The following ISY1 variants were observed in gnomAD, a reference collection of about 807,000 sequenced individuals.
ISY1 encodes pre-mRNA-splicing factor ISY1 homolog.
A neutral mutation model predicts 54.4 loss-of-function variants in ISY1; 12 were observed. The observed-to-expected ratio is 0.22, with a 90% CI of 0.14 to 0.36. The LOEUF is 0.36. ISY1 is among the 10% of genes least tolerant of loss of function. The pLI, the probability that ISY1 is intolerant of heterozygous loss-of-function variation, is 1.00. For synonymous variants in ISY1, 96 were observed against 117.9 expected (o/e 0.81, Z 1.20); for missense variants, 282 against 342.2 (o/e 0.82, Z 1.39).
intron 5 of ISY1, among the ~76,000 whole-genome samples, chr3:129,146,387 A>C (rs1470112518): frequency 2.0e-5 from 3 of 152,224 alleles, no homozygotes; most frequent in African/African-American, 7.2e-5. Context: ...TGTACACAAC[A>C]AATTTCACTG....
At chr3:129,153,509 C>T (rs1049173961) in intron 5 of ISY1, among the ~76,000 whole-genome samples, 2 of 152,154 alleles carry the variant, frequency 1.3e-5, no homozygotes, top group East Asian at 1.9e-4. Context: ...CAGGGCTGGG[C>T]GCAGTGGCTC....
chr3:129,147,457 G>T (rs1936802508), intron 5 of ISY1, among the ~76,000 whole-genome samples: 1 of 152,050 alleles, frequency 6.6e-6, no homozygotes, highest in African/African-American at 2.4e-5. Flanking sequence ...AAAAAGACCT[G>T]CCACCACCAT....
intron 5 of ISY1, among the ~76,000 whole-genome samples, chr3:129,153,667 G>C (rs1165609953): frequency 2.0e-5 from 3 of 151,314 alleles, no homozygotes. Context: ...GCGCCTGTAG[G>C]CCCAGCTACT....
rs1216343492 is a variant in ISY1 at position 129,129,737 on chromosome 3, T to C, written c.*344A>G. 5.3e-6 allele frequency: 1 copy of C among 189,316 alleles called. No homozygotes were observed. The highest frequency in any genetic ancestry group is 1.3e-4 in the East Asian group (1 of 7,810). 11.7% of individuals were successfully genotyped at this position (189,316 alleles called of 1,614,324 possible). A position where few individuals can be genotyped will look rare whatever the true frequency, so the allele number is the denominator to read the frequency against. On this transcript the variant is annotated 3_prime_UTR_variant, in exon 11 of 11. Coordinates refer to ENST00000393295, the MANE Select transcript of ISY1 (RefSeq NM_020701.4). ...ATTTGCATTTTTTAAAATTATACTT[T>C]GGTCTGCAAAAAATTGCATTTTTAA...
chr3:129,151,553 C>T (rs576384880), intron 5 of ISY1, among the ~76,000 whole-genome samples: 1 of 150,718 alleles, frequency 6.6e-6, no homozygotes, highest in East Asian at 2.0e-4. Flanking sequence ...CGCTTGAACC[C>T]AGGGGACAGA....
At chr3:129,159,864 C>A (rs186295629) in intron 1 of ISY1, among the ~76,000 whole-genome samples, 5 of 152,162 alleles carry the variant, frequency 3.3e-5, no homozygotes, top group Non-Finnish European at 5.9e-5. Context: ...GACAAATACA[C>A]CAGGCATGCA....
chr3:129,149,632 TATATAC>T (rs1418359407), intron 5 of ISY1, among the ~76,000 whole-genome samples: 8 of 86,662 alleles, frequency 9.2e-5, no homozygotes, highest in South Asian at 3.7e-4. Context: ...TATATATATA[TATATAC>T]ACAAAAAAAA....
intron 5 of ISY1, among the ~76,000 whole-genome samples, chr3:129,147,470 T>C (rs1936803271): frequency 6.6e-6 from 1 of 152,092 alleles, no homozygotes; most frequent in African/African-American, 2.4e-5. Context: ...ACCACCATGG[T>C]GAGACTTTCC....
intron 5 of ISY1, among the ~76,000 whole-genome samples, chr3:129,154,469 A>G (rs1937074440): frequency 6.8e-6 from 1 of 146,702 alleles, no homozygotes; most frequent in Non-Finnish European, 1.5e-5. Flanking sequence ...AAAAAGGACC[A>G]CTTCTCTTAA....
intron 5 of ISY1, among the ~76,000 whole-genome samples, chr3:129,149,515 A>C (rs1576885868): frequency 7.3e-6 from 1 of 137,616 alleles, no homozygotes; most frequent in Admixed American, 7.6e-5. Flanking sequence ...TTGGGAGGCC[A>C]AGGTGTGTGG....
At chr3:129,141,859 A>T (rs1167007122) in intron 6 of ISY1, among the ~76,000 whole-genome samples, 2 of 152,120 alleles carry the variant, frequency 1.3e-5, no homozygotes, top group Non-Finnish European at 2.9e-5. Context: ...CCTATATGAC[A>T]ATTAGTGGAA....
chr3:129,138,355 A>T (rs1413580918), intron 7 of ISY1, among the ~76,000 whole-genome samples: 2 of 151,784 alleles, frequency 1.3e-5, no homozygotes, highest in African/African-American at 4.8e-5. Context: ...ACAAATTAGT[A>T]CTGGTCACGG....
At chr3:129,153,726 C>T (rs745603157) in intron 5 of ISY1, among the ~76,000 whole-genome samples, 57 of 151,928 alleles carry the variant, frequency 3.8e-4, no homozygotes, top group Non-Finnish European at 7.1e-4. Flanking sequence ...GCAGAGGCTG[C>T]GGTGAGCCAA....
chr3:129,160,806 G>C (rs1937284513), intron 1 of ISY1, among the ~76,000 whole-genome samples, 167 bp downstream of exon 1: 1 of 152,166 alleles, frequency 6.6e-6, no homozygotes. Context: ...TTTCCAATTT[G>C]TGACAGCTAA....
At chr3:129,133,880 C>T (rs62265337) in intron 9 of ISY1, among the ~76,000 whole-genome samples, 194 bp downstream of exon 9, 4 of 152,172 alleles carry the variant, frequency 2.6e-5, no homozygotes, top group South Asian at 2.1e-4. Context: ...AAAGCACGGC[C>T]GGCAGGGCAC....
chr3:129,145,981 G>A, intron 5 of ISY1, 108 bp from the exon 6 acceptor site: 3 of 1,001,792 alleles, frequency 3.0e-6, no homozygotes, highest in Non-Finnish European at 1.4e-6. Context: ...CACCTACAAA[G>A]GTATACTACA....
chr3:129,154,439 C>CAAAAAAA (rs58548903), intron 5 of ISY1, among the ~76,000 whole-genome samples: 2 of 33,412 alleles, frequency 6.0e-5, no homozygotes, highest in African/African-American at 8.9e-5. Context: ...GACTCCATCT[C>CAAAAAAA]AAAAAAAAAA....
rs764273737 is a variant in ISY1 at position 129,156,695 on chromosome 3, C to T, written c.145-20G>A. On this transcript the variant is annotated intron_variant, in intron 4 of 10. Transcript: ENST00000393295. The stretch of plus-strand genomic sequence containing the variant: ...AATGATCTATTAAAAAAAAGTAATA[C>T]ATTTTAATAATTTTTGAATATGTTA... The T allele has an allele frequency of 3.3e-5, 52 of 1,588,042 alleles. No homozygotes were observed. The highest frequency in any genetic ancestry group is 3.9e-5 in the Non-Finnish European group (45 of 1,168,114).
intron 7 of ISY1, among the ~76,000 whole-genome samples, chr3:129,138,708 G>C (rs1936509622): frequency 6.7e-6 from 1 of 150,026 alleles, no homozygotes; most frequent in Admixed American, 6.6e-5. Flanking sequence ...CCAGCTACTT[G>C]GGAGGCTGAG....
Sources: allele counts gnomAD v4.1 joint callset (sites outside exome capture counted in the v4.1 genomes callset), GRCh38; gene constraint gnomAD v4.1.1; transcripts MANE v1.5; gene names NCBI Gene and HGNC (gene_info 2026-07-23, HGNC 2026-07-21).